PLA2G4F: variants seen among roughly 807,000 people sequenced by gnomAD.
PLA2G4F encodes the protein phospholipase A2 group IVF.
Under a neutral mutation model 103.1 loss-of-function variants are expected in PLA2G4F, and 105 were observed. The observed-to-expected ratio is 1.02, with a 90% confidence interval of 0.87 to 1.20. The LOEUF (loss-of-function observed/expected upper bound fraction) is 1.20, where lower values mean the gene tolerates loss of function less well. PLA2G4F is among the 50% of genes most tolerant of loss of function. The pLI, the probability that PLA2G4F is intolerant of heterozygous loss-of-function variation, is 0.00. For missense variants in PLA2G4F, 1,155 were observed against 1,075.9 expected, an observed-to-expected ratio of 1.07 and a Z score of -1.03; for synonymous variants, 468 against 441.1, an observed-to-expected ratio of 1.06 and a Z score of -0.76.
intron 17 of PLA2G4F, 29 bp downstream of exon 17, chr15:42,144,421 C>A (rs2141126686): frequency 1.2e-6 from 2 of 1,609,436 alleles, no homozygotes; most frequent in South Asian, 1.1e-5. Flanking sequence ...AAGGGAAGCC[C>A]CCCATCTCCC....
At chr15:42,142,757 G>T in intron 18 of PLA2G4F, 43 bp from the exon 19 acceptor site, 1 of 1,604,214 alleles carries the variant, frequency 6.2e-7, no homozygotes, top group Non-Finnish European at 8.5e-7. Context: ...CCTCCACCCT[G>T]GCCACTCCCG....
Position 42,141,866 on chromosome 15 carries a change from G to C in PLA2G4F, c.*118C>G, listed in dbSNP as rs2048829123. The C allele has an allele frequency of 9.2e-7, 1 of 1,091,784 alleles. No individual in the cohort carries two copies. The highest frequency in any genetic ancestry group is 1.3e-6 in the Non-Finnish European group (1 of 760,180). The allele number at this position is 1,091,784 out of a possible 1,614,324, so 67.6% of individuals were successfully genotyped here. A position where few individuals can be genotyped will look rare whatever the true frequency, so the allele number is the denominator to read the frequency against. On this transcript the variant is annotated 3_prime_UTR_variant, in exon 20 of 20. Transcript: ENST00000397272. ...CCGGGGCCTGGGGCACCTCGAGGCA[G>C]GTCCTGGAGAGAAGGGAAGCAGATC...
At position 42,144,165 on chromosome 15, in the gene PLA2G4F, C is replaced by T. The variant is rs370303922; in HGVS notation, c.1976-21G>A. The T allele has an allele frequency of 1.1e-4, 169 of 1,583,430 alleles. No individual in the cohort carries two copies. In the African/African-American group the frequency reaches 1.1e-3, roughly 11 times the overall value. ...TGTGTCTGCAAGGAACCCATGTGTA[C>T]GCACAGGGACGAATGCAGTTACTCT... On this transcript the variant is annotated intron_variant, in intron 17 of 19. Coordinates refer to ENST00000397272, the MANE Select transcript of PLA2G4F (RefSeq NM_213600.4).
chr15:42,152,825 G>T (rs1051163224), intron 6 of PLA2G4F, 71 bp from the exon 7 acceptor site: 1 of 1,427,488 alleles, frequency 7.0e-7, no homozygotes, highest in Non-Finnish European at 9.6e-7. Flanking sequence ...AGGGAGGAGT[G>T]CCTAGGGCAG....
At chr15:42,143,916 C>T (rs2048850506) in intron 18 of PLA2G4F, 62 bp downstream of exon 18, 1 of 1,508,720 alleles carries the variant, frequency 6.6e-7, no homozygotes, top group Admixed American at 2.0e-5. Context: ...CCCTCCTCTC[C>T]TCCCTCACCC....
chr15:42,148,598 A>G, intron 11 of PLA2G4F: 1 of 979,846 alleles, frequency 1.0e-6, no homozygotes, highest in Non-Finnish European at 1.2e-6. Flanking sequence ...TGCGGTGGGG[A>G]GGAACTAAAT....
intron 11 of PLA2G4F, chr15:42,148,884 C>T: frequency 1.6e-5 from 16 of 985,430 alleles, no homozygotes; most frequent in Non-Finnish European, 1.9e-5. Flanking sequence ...CTTCAGAGTG[C>T]TGGATGAGAC....
In PLA2G4F at chr15:42,147,860, G is replaced by T. The variant is rs144264889; in HGVS notation, c.1060-98C>A. ...GGACATTATTCTAAGAGTCTTACAC[G>T]TATTATCTCATTGAATCCTCACAGC... On this transcript the variant is annotated intron_variant, in intron 11 of 19. Coordinates refer to ENST00000397272, the MANE Select transcript of PLA2G4F (RefSeq NM_213600.4). 18 of 1,496,538 alleles carry T rather than the reference G, an allele frequency of 1.2e-5. No homozygotes were observed. The Admixed American group carries it at 1.6e-4, about 13-fold the overall frequency. 92.7% of individuals were successfully genotyped at this position (1,496,538 alleles called of 1,614,324 possible). A position where few individuals can be genotyped will look rare whatever the true frequency, so the allele number is the denominator to read the frequency against.
chr15:42,142,010 G>A lies in PLA2G4F; in HGVS notation c.2524C>T (p.Gln842Ter), dbSNP rs1371671298. ...CAGGCCCCTGCCCTCTCCCGAGCCT[G>A]GTGCCGGTCCAGAGCCAGCTGGAGG... ...CALQLALDRH[Q>*]ARERAGA Residue 842 changes from glutamine to a stop codon, truncating the protein, a stop_gained, in exon 20 of 20, where the codon CAG becomes TAG. Transcript: ENST00000397272. LOFTEE classifies it high-confidence loss of function. 6.2e-7 allele frequency: 1 copy of A among 1,614,002 alleles called. No individual in the cohort carries two copies. The highest frequency in any genetic ancestry group is 8.5e-7 in the Non-Finnish European group (1 of 1,180,008).
chr15:42,140,487 G>A lies in PLA2G4F; in HGVS notation c.*1497C>T, dbSNP rs1477292873. The A allele has an allele frequency of 6.6e-6, 1 of 152,384 alleles. No individual in the cohort carries two copies. Among genetic ancestry groups the A allele is most frequent in the African/African-American group, 2.4e-5 (1 of 41,468 alleles). 9.4% of individuals were successfully genotyped at this position (152,384 alleles called of 1,614,324 possible). ...GATAAACCTCTCACTGCTGAACCAA[G>A]GGGAGGGGCCGTGGCCTGTGACAGG... On this transcript the variant is annotated 3_prime_UTR_variant, in exon 20 of 20. Coordinates refer to ENST00000397272, the MANE Select transcript of PLA2G4F (RefSeq NM_213600.4).
chr15:42,149,586 G>A, intron 11 of PLA2G4F, 127 bp downstream of exon 11: 2 of 1,462,634 alleles, frequency 1.4e-6, no homozygotes, highest in Non-Finnish European at 1.8e-6. Flanking sequence ...CTCTGCCGAT[G>A]GTGCCCACAG....
chr15:42,149,357 G>A, intron 11 of PLA2G4F: 2 of 581,398 alleles, frequency 3.4e-6, no homozygotes, highest in Non-Finnish European at 4.3e-6. Flanking sequence ...GCCACATGAG[G>A]ACATGGCGAG....
intron 10 of PLA2G4F, 119 bp downstream of exon 10, chr15:42,149,985 A>G: frequency 6.5e-7 from 1 of 1,545,214 alleles, no homozygotes. Context: ...CAGGGAGGGA[A>G]AAATGTCATC....
chr15:42,141,162 C>A lies in PLA2G4F; in HGVS notation c.*822G>T. 6.7e-6 allele frequency: 3 copies of A among 447,974 alleles called. No homozygotes were observed. The highest frequency in any genetic ancestry group is 4.7e-5 in the Admixed American group (2 of 42,288). 27.7% of individuals were successfully genotyped at this position (447,974 alleles called of 1,614,324 possible). A position where few individuals can be genotyped will look rare whatever the true frequency, so the allele number is the denominator to read the frequency against. ...GCCCCACATACAGGTGCACACCTCT[C>A]CCCCGATGAACTGATGCCCCTACTA... On this transcript the variant is annotated 3_prime_UTR_variant, in exon 20 of 20. Transcript: ENST00000397272.
In PLA2G4F at chr15:42,150,963, C is replaced by G. The variant is rs116405432; in HGVS notation, c.602-186G>C. 3.9e-3 allele frequency: 3,890 copies of G among 985,398 alleles called. 119 individuals carry two copies. In the African/African-American group the frequency reaches 0.064, roughly 16 times the overall value. The allele number at this position is 985,398 out of a possible 1,614,324, so 61.0% of individuals were successfully genotyped here. On this transcript the variant is annotated intron_variant, in intron 7 of 19. Coordinates refer to ENST00000397272, the MANE Select transcript of PLA2G4F (RefSeq NM_213600.4). ...GCCTCTGGAAGGACTCTTGGGTCCT[C>G]TAGCCTGCCCTGGTCAGAACTGGGA...
chr15:42,149,235 TAATA>T, intron 11 of PLA2G4F: 1 of 905,708 alleles, frequency 1.1e-6, no homozygotes, highest in Non-Finnish European at 1.3e-6. Flanking sequence ...TACAAGGAGG[TAATA>T]AAGGTGAAGT....
rs749613877 is a variant in PLA2G4F, at chr15:42,142,561, C to T, written c.2296G>A (p.Val766Ile). 1 of 1,613,860 alleles carries T rather than the reference C, an allele frequency of 6.2e-7. No individual in the cohort carries two copies. The highest frequency in any genetic ancestry group is 8.5e-7 in the Non-Finnish European group (1 of 1,179,946). Residue 766 changes from valine (V) to isoleucine (I), a missense_variant, in exon 19 of 20, where the codon GTT becomes ATT. By Grantham distance (29) the Val-to-Ile change is conservative. This residue lies in a region of PLA2G4F where 782 missense variants were observed against 692.9 expected (regional missense o/e 1.13). Transcript: ENST00000397272. ...AGGTGTGTGCGGAAGGTACGGTTAA[C>T]CAGGGGGAAGTGCAGCACAATGGGG... ...RSPIVLHFPL[V>I]NRTFRTHLAP...
chr15:42,145,260 T>C (rs2048869137), intron 16 of PLA2G4F, among the ~76,000 whole-genome samples: 1 of 151,920 alleles, frequency 6.6e-6, no homozygotes. Flanking sequence ...GCGGGAAGGG[T>C]GCTCTGCACC....
intron 17 of PLA2G4F, 84 bp from the exon 18 acceptor site, chr15:42,144,228 CTTCTCTCTGTAGAG>C (rs2048855887): frequency 2.7e-6 from 4 of 1,490,582 alleles, no homozygotes. Flanking sequence ...TCACGTTTGC[CTTCTCTCTGTAGAG>C]TTCTCTCTGA....
Sources: gnomAD v4.1 joint callset for allele counts (sites outside exome capture counted in the v4.1 genomes callset) on GRCh38, gnomAD v4.1.1 for gene constraint, gnomAD v4.1.1 regional missense constraint, MANE v1.5 for transcripts, NCBI Gene and HGNC (gene_info 2026-07-23, HGNC 2026-07-21) for gene names.